NAV2: variants seen among roughly 807,000 people sequenced by gnomAD.
NAV2 encodes helicase, APC down-regulated 1.
NAV2 carries 54 observed loss-of-function variants against 223.2 expected under a neutral mutation model. That is an observed-to-expected ratio of 0.24 (90% confidence interval 0.19 to 0.30). NAV2 has a LOEUF of 0.30. NAV2 is among the 10% of genes least tolerant of loss of function. The pLI, the probability that NAV2 is intolerant of heterozygous loss-of-function variation, is 1.00. For missense variants in NAV2, 2,806 were observed against 3,147.5 expected (o/e 0.89, Z 2.60); for synonymous variants, 1,279 against 1,239.3 (o/e 1.03, Z -0.67).
chr11:19,511,276 A>G (rs1185508851), intron 1 of NAV2: 1 of 152,244 alleles, frequency 6.6e-6, no homozygotes, highest in Non-Finnish European at 1.5e-5. Flanking sequence ...AGGTAGCCCC[A>G]GTGGCACCAT....
upstream of NAV2, chr11:19,711,117 A>C (rs2049852769): frequency 6.6e-6 from 1 of 152,226 alleles, no homozygotes; most frequent in South Asian, 2.1e-4. Context: ...ACTGAAACAG[A>C]CATAGACAGG....
chr11:19,766,877 G>A (rs1286669189), intron 1 of NAV2, among the ~76,000 whole-genome samples: 1 of 152,124 alleles, frequency 6.6e-6, no homozygotes, highest in Non-Finnish European at 1.5e-5. Flanking sequence ...AGAGAGCCTA[G>A]GCCCCTTCCT....
intron 13 of NAV2, among the ~76,000 whole-genome samples, chr11:20,044,573 G>T (rs938906409): frequency 6.6e-6 from 1 of 152,142 alleles, no homozygotes; most frequent in African/African-American, 2.4e-5. Context: ...TGAGCTGTGG[G>T]TGTATGGTGA....
chr11:19,578,254 G>T (rs1266988471), intron 1 of NAV2, among the ~76,000 whole-genome samples: 1 of 152,214 alleles, frequency 6.6e-6, no homozygotes, highest in Admixed American at 6.5e-5. Flanking sequence ...TTAACGCTGC[G>T]CGTGCTGCTG....
intron 5 of NAV2, among the ~76,000 whole-genome samples, chr11:19,889,591 A>G (rs755917210): frequency 6.6e-6 from 1 of 152,188 alleles, no homozygotes; most frequent in Non-Finnish European, 1.5e-5. Flanking sequence ...CTCCTTCTCC[A>G]TGTCCCAAAA....
At chr11:19,802,165 T>C (rs1226550026) in intron 1 of NAV2, among the ~76,000 whole-genome samples, 3 of 152,162 alleles carry the variant, frequency 2.0e-5, no homozygotes, top group African/African-American at 7.2e-5. Flanking sequence ...CAAAATTCAA[T>C]TCAGTGGGAG....
intron 1 of NAV2, among the ~76,000 whole-genome samples, chr11:19,614,700 C>T (rs1327780557): frequency 6.6e-6 from 1 of 152,132 alleles, no homozygotes; most frequent in African/African-American, 2.4e-5. Context: ...CTCTATGGGC[C>T]AGTGGCATAG....
At chr11:19,897,141 C>A (rs927614829) in intron 6 of NAV2, among the ~76,000 whole-genome samples, 13 of 151,872 alleles carry the variant, frequency 8.6e-5, no homozygotes, top group Non-Finnish European at 1.8e-4. Flanking sequence ...GGACAAAAAA[C>A]CAAACACCGC....
intron 1 of NAV2, among the ~76,000 whole-genome samples, chr11:19,523,978 T>A (rs1426783273): frequency 1.3e-5 from 2 of 152,202 alleles, no homozygotes; most frequent in African/African-American, 4.8e-5. Context: ...TGTTTTCTCC[T>A]CCTTCAGGAA....
chr11:19,918,491 G>A (rs1437847786), intron 6 of NAV2, among the ~76,000 whole-genome samples: 1 of 152,152 alleles, frequency 6.6e-6, no homozygotes, highest in Non-Finnish European at 1.5e-5. Context: ...AATTCACGAC[G>A]TGCAACTGAA....
At chr11:20,075,222 GT>G (rs759061256) in intron 22 of NAV2, among the ~76,000 whole-genome samples, 2,493 of 110,976 alleles carry the variant, frequency 0.022, 51 homozygotes, top group African/African-American at 0.088. Context: ...TTTTTGTTTT[GT>G]TTTTTTTTTT....
At chr11:20,007,571 A>C (rs2053189954) in intron 11 of NAV2, among the ~76,000 whole-genome samples, 1 of 152,252 alleles carries the variant, frequency 6.6e-6, no homozygotes, top group Non-Finnish European at 1.5e-5. Flanking sequence ...AAATTTAGCC[A>C]GCACAGTGTA....
At chr11:19,420,923 AG>A (rs985225330) in intron 1 of NAV2, among the ~76,000 whole-genome samples, 5 of 152,218 alleles carry the variant, frequency 3.3e-5, no homozygotes, top group African/African-American at 1.2e-4. Flanking sequence ...AAAACAAAAC[AG>A]AACTCAAGGG....
intron 1 of NAV2, among the ~76,000 whole-genome samples, chr11:19,544,753 G>A (rs922972591): frequency 1.3e-5 from 2 of 152,220 alleles, no homozygotes; most frequent in African/African-American, 2.4e-5. Context: ...ATAAAAGAAC[G>A]AGCCCCAGCT....
At chr11:19,958,096 T>C (rs984828123) in intron 10 of NAV2, among the ~76,000 whole-genome samples, 37 of 152,134 alleles carry the variant, frequency 2.4e-4, no homozygotes, top group African/African-American at 8.9e-4. Flanking sequence ...CTCAGGCCCT[T>C]GTTGAGAGGC....
At chr11:19,866,329 G>A (rs919645600) in intron 3 of NAV2, among the ~76,000 whole-genome samples, 2 of 152,128 alleles carry the variant, frequency 1.3e-5, no homozygotes, top group African/African-American at 2.4e-5. Flanking sequence ...AGCCCCAAAC[G>A]CTGCCAGACA....
Position 20,051,438 on chromosome 11 carries a change from C to T in NAV2, c.4481+105C>T, listed in dbSNP as rs1249284103. 22 of 1,004,240 alleles carry T rather than the reference C, an allele frequency of 2.2e-5. No individual in the cohort carries two copies. The East Asian group carries it at 3.1e-4, about 14-fold the overall frequency. 62.2% of individuals were successfully genotyped at this position (1,004,240 alleles called of 1,614,324 possible). The stretch of plus-strand genomic sequence containing the variant: ...GGGGTTTGGGCTGGGCTGGGGTCCC[C>T]GCTTTGACCACCACAGCAGGACCTT... On this transcript the variant is annotated intron_variant, in intron 17 of 37. Coordinates refer to ENST00000349880, the MANE Select transcript of NAV2 (RefSeq NM_145117.5).
chr11:19,394,096 C>T (rs1264401057), intron 1 of NAV2, among the ~76,000 whole-genome samples: 1 of 152,050 alleles, frequency 6.6e-6, no homozygotes, highest in Non-Finnish European at 1.5e-5. Context: ...TAGGTCTCTT[C>T]TGGAAGCTAA....
chr11:19,931,079 C>T (rs1356018686), intron 6 of NAV2, among the ~76,000 whole-genome samples: 1 of 152,180 alleles, frequency 6.6e-6, no homozygotes, highest in Non-Finnish European at 1.5e-5. Context: ...TATTCTTTAG[C>T]CCTACCTAAG....
Sources: allele counts gnomAD v4.1 joint callset (sites outside exome capture counted in the v4.1 genomes callset), GRCh38; gene constraint gnomAD v4.1.1; transcripts MANE v1.5; gene names NCBI Gene and HGNC (gene_info 2026-07-23, HGNC 2026-07-21).